The following INPP4B variants were observed in gnomAD, a reference collection of about 807,000 sequenced individuals.
INPP4B encodes the protein inositol polyphosphate 4-phosphatase type II.
Under a neutral mutation model 122.5 loss-of-function variants are expected in INPP4B, and 55 were observed. The ratio of observed to expected loss-of-function variants is 0.45; its 90% CI spans 0.36 to 0.56. The LOEUF is 0.56. Among genes scored for constraint, INPP4B ranks in the 20% least tolerant of loss-of-function variants. The pLI, the probability that INPP4B is intolerant of heterozygous loss-of-function variation, is 0.00. For missense variants in INPP4B, 1,000 were observed against 1,097.7 expected (o/e 0.91, Z 1.26); for synonymous variants, 403 against 388.7 (o/e 1.04, Z -0.43).
chr4:142,615,559 A>G (rs1015437813), intron 2 of INPP4B, among the ~76,000 whole-genome samples: 1 of 152,076 alleles, frequency 6.6e-6, no homozygotes, highest in African/African-American at 2.4e-5. Context: ...CTTAGGTCCT[A>G]TTTGTGATTC....
At chr4:142,739,843 C>G (rs1044555881) in intron 1 of INPP4B, among the ~76,000 whole-genome samples, 1 of 152,078 alleles carries the variant, frequency 6.6e-6, no homozygotes, top group East Asian at 1.9e-4. Flanking sequence ...TTTATTGAGC[C>G]TTTGCTCAAA....
Position 142,203,281 on chromosome 4 carries a change from T to G in INPP4B, c.1072+5144A>C, listed in dbSNP as rs1841441528. On this transcript the variant is annotated intron_variant, in intron 14 of 25. Coordinates refer to ENST00000262992, the MANE Select transcript of INPP4B (RefSeq NM_001101669.3). ...GCAGTTATATAAAGAAGGCTTTTAGTACTATAGATTACAACAGATCCATAA... is the reference window on the plus strand; with the variant it reads ...GCAGTTATATAAAGAAGGCTTTTAGGACTATAGATTACAACAGATCCATAA... Among the ~76,000 whole-genome samples the G allele has an allele frequency of 2.6e-5, 4 of 152,242 alleles. No homozygotes were observed. The South Asian group carries it at 8.3e-4, about 32-fold the overall frequency.
intron 21 of INPP4B, 54 bp downstream of exon 21, chr4:142,122,074 G>A: frequency 8.9e-7 from 1 of 1,126,234 alleles, no homozygotes; most frequent in Non-Finnish European, 1.3e-6. Flanking sequence ...TCTGACAGGA[G>A]TTAACACGAC....
Position 142,025,313 on chromosome 4 carries a change from C to T in INPP4B, c.*3469G>A, listed in dbSNP as rs1736684151. The T allele has an allele frequency of 6.6e-6, 1 of 151,982 alleles. No individual in the cohort carries two copies. Among genetic ancestry groups the T allele is most frequent in the African/African-American group, 2.4e-5 (1 of 41,378 alleles). 9.4% of individuals were successfully genotyped at this position (151,982 alleles called of 1,614,324 possible). A position where few individuals can be genotyped will look rare whatever the true frequency, so the allele number is the denominator to read the frequency against. Reference sequence around the variant, plus strand: ...GTTTTCACTGTAAAGATGTAATAGACCTAAATAGACTCAAGAGTACTAATA... The same window carrying T: ...GTTTTCACTGTAAAGATGTAATAGATCTAAATAGACTCAAGAGTACTAATA... On this transcript the variant is annotated 3_prime_UTR_variant, in exon 26 of 26. Transcript: ENST00000262992.
intron 7 of INPP4B, among the ~76,000 whole-genome samples, chr4:142,388,990 C>T: frequency 6.6e-6 from 1 of 152,154 alleles, no homozygotes; most frequent in Non-Finnish European, 1.5e-5. Context: ...AGGTAGCTCT[C>T]ACCTGTTATC....
intron 2 of INPP4B, among the ~76,000 whole-genome samples, chr4:142,644,001 G>C (rs1751149581): frequency 6.6e-6 from 1 of 151,990 alleles, no homozygotes; most frequent in African/African-American, 2.4e-5. Flanking sequence ...AGGAGTTCCA[G>C]ACTAGCCTGG....
At chr4:142,601,959 A>C (rs765856249) in intron 2 of INPP4B, among the ~76,000 whole-genome samples, 80 of 106,792 alleles carry the variant, frequency 7.5e-4, no homozygotes, top group Non-Finnish European at 1.4e-3. Context: ...ACAGAGCAAG[A>C]CTCCATCTCA....
rs1291150478 is a variant in INPP4B at position 142,431,169 on chromosome 4, T to C, written c.91A>G (p.Ser31Gly). The C allele has an allele frequency of 2.5e-6, 4 of 1,611,674 alleles. No individual in the cohort carries two copies. In the Admixed American group the frequency reaches 6.7e-5, roughly 27 times the overall value. Residue 31 changes from serine to glycine, a missense_variant and splice_region_variant, in exon 4 of 26, where the codon AGT (serine) becomes GGT (glycine). Physicochemically the swap from Ser to Gly is moderately conservative, Grantham distance 56. Coordinates refer to ENST00000262992, the MANE Select transcript of INPP4B (RefSeq NM_001101669.3). Reference sequence around the variant, plus strand: ...CAGGGAGGGATACACACATACTTACTTGTGAACTGACAGTCCCCGGGATCA... The same window carrying C: ...CAGGGAGGGATACACACATACTTACCTGTGAACTGACAGTCCCCGGGATCA... ...ANDPGDCQFT[S>G]IQKTPNEPQL... is the part of the protein sequence containing the mutation.
chr4:142,160,984 T>G (rs902608860), intron 16 of INPP4B, among the ~76,000 whole-genome samples: 3 of 152,044 alleles, frequency 2.0e-5, no homozygotes, highest in African/African-American at 7.2e-5. Context: ...CAATTACTTT[T>G]GCACCAGCCT....
intron 16 of INPP4B, among the ~76,000 whole-genome samples, chr4:142,170,824 C>A (rs1167306270): frequency 6.6e-6 from 1 of 151,626 alleles, no homozygotes; most frequent in Non-Finnish European, 1.5e-5. Flanking sequence ...CAGTGACTGT[C>A]AAATAGTATG....
chr4:142,740,926 A>G (rs1268691444), intron 1 of INPP4B, among the ~76,000 whole-genome samples: 1 of 152,060 alleles, frequency 6.6e-6, no homozygotes, highest in Non-Finnish European at 1.5e-5. Context: ...TAGACATCTC[A>G]GGATTCCCAG....
chr4:142,379,795 T>G (rs2148833187), intron 7 of INPP4B, among the ~76,000 whole-genome samples: 1 of 152,346 alleles, frequency 6.6e-6, no homozygotes, highest in South Asian at 2.1e-4. Flanking sequence ...ATGCAAGACA[T>G]GTGTCCTCAG....
At chr4:142,317,201 AGTAAGAGTTCAGGGGGAAGG>A in intron 7 of INPP4B, 4 of 228,506 alleles carry the variant, frequency 1.8e-5, no homozygotes, top group Non-Finnish European at 2.7e-5. Flanking sequence ...CAGGGGGAAG[AGTAAGAGTTCAGGGGGAAGG>A]GTGCAGGATT....
At chr4:142,069,091 T>C (rs947540251) in intron 25 of INPP4B, among the ~76,000 whole-genome samples, 23 of 152,250 alleles carry the variant, frequency 1.5e-4, no homozygotes, top group Admixed American at 1.5e-3. Context: ...AGTAAAGCAC[T>C]CCTCAGCAAA....
At chr4:142,836,351 C>T (rs927578087) in intron 1 of INPP4B, among the ~76,000 whole-genome samples, 4 of 151,812 alleles carry the variant, frequency 2.6e-5, no homozygotes, top group Non-Finnish European at 5.9e-5. Context: ...ATAGCAATGA[C>T]ATTTAAGCTT....
At chr4:142,065,713 G>T (rs533434317) in intron 25 of INPP4B, among the ~76,000 whole-genome samples, 9 of 152,208 alleles carry the variant, frequency 5.9e-5, no homozygotes, top group African/African-American at 2.2e-4. Flanking sequence ...ATGGAAATGG[G>T]GTTTCATTTA....
chr4:142,301,511 A>C (rs915021963), intron 9 of INPP4B, among the ~76,000 whole-genome samples: 1 of 152,174 alleles, frequency 6.6e-6, no homozygotes, highest in African/African-American at 2.4e-5. Flanking sequence ...GCAGCTGTAG[A>C]ATTTTAGACA....
At chr4:142,784,224 G>C (rs150361718) in intron 1 of INPP4B, among the ~76,000 whole-genome samples, 1 of 151,844 alleles carries the variant, frequency 6.6e-6, no homozygotes, top group South Asian at 2.1e-4. Context: ...TTAGCCGGGC[G>C]TGGTGGCATG....
At chr4:142,471,040 T>C (rs1818723144) in intron 2 of INPP4B, among the ~76,000 whole-genome samples, 1 of 152,222 alleles carries the variant, frequency 6.6e-6, no homozygotes, top group African/African-American at 2.4e-5. Flanking sequence ...AAAAGTTGTA[T>C]ATCTCATTTA....
Sources: gnomAD v4.1 joint callset for allele counts (sites outside exome capture counted in the v4.1 genomes callset) on GRCh38, gnomAD v4.1.1 for gene constraint, MANE v1.5 for transcripts, NCBI Gene and HGNC (gene_info 2026-07-23, HGNC 2026-07-21) for gene names.